Variants in CEPT1 observed in about 807,000 individuals in gnomAD.
The protein encoded by CEPT1 is choline/ethanolaminephosphotransferase 1.
In CEPT1, 7 loss-of-function variants were observed where a neutral mutation model predicts 42.6. The ratio of observed to expected loss-of-function variants is 0.16; its 90% CI spans 0.09 to 0.31. The LOEUF (loss-of-function observed/expected upper bound fraction) is 0.31, where lower values mean the gene tolerates loss of function less well. Among genes scored for constraint, CEPT1 ranks in the 10% least tolerant of loss-of-function variants. The pLI, the probability that CEPT1 is intolerant of heterozygous loss-of-function variation, is 1.00. For synonymous variants in CEPT1, 171 were observed against 171.9 expected (o/e 0.99, Z 0.04); for missense variants, 306 against 502.1 (o/e 0.61, Z 3.73).
intron 1 of CEPT1, among the ~76,000 whole-genome samples, chr1:111,141,763 C>T (rs999059666): frequency 4.6e-5 from 7 of 152,278 alleles, no homozygotes; most frequent in Admixed American, 1.3e-4. Flanking sequence ...CTATGTATCA[C>T]TTGTTAAATA....
intron 6 of CEPT1, 74 bp downstream of exon 6, chr1:111,182,392 C>A: frequency 7.0e-7 from 1 of 1,420,720 alleles, no homozygotes; most frequent in South Asian, 1.3e-5. Context: ...TTTTTTATTT[C>A]AAATGTATAA....
chr1:111,172,014 A>G (rs1656442250), intron 4 of CEPT1, among the ~76,000 whole-genome samples: 1 of 152,256 alleles, frequency 6.6e-6, no homozygotes, highest in African/African-American at 2.4e-5. Flanking sequence ...CTGGGATTAC[A>G]GGCGTGAGCC....
intron 4 of CEPT1, among the ~76,000 whole-genome samples, chr1:111,172,544 G>C (rs1656472972): frequency 6.6e-6 from 1 of 152,154 alleles, no homozygotes; most frequent in Admixed American, 6.5e-5. Flanking sequence ...AGACTTCTTA[G>C]TGGAAAGGTG....
At chr1:111,168,993 A>G (rs1656281613) in intron 4 of CEPT1, among the ~76,000 whole-genome samples, 1 of 152,196 alleles carries the variant, frequency 6.6e-6, no homozygotes, top group Admixed American at 6.5e-5. Flanking sequence ...ACCTATACAC[A>G]GCCTCCTGTA....
At chr1:111,184,006 T>G (rs1657125445) in intron 8 of CEPT1, among the ~76,000 whole-genome samples, 185 bp from the exon 9 acceptor site, 1 of 152,190 alleles carries the variant, frequency 6.6e-6, no homozygotes, top group Non-Finnish European at 1.5e-5. Context: ...CCCATAAAGC[T>G]TAAAATATTT....
chr1:111,160,252 G>GA (rs1193130413), intron 3 of CEPT1: 1 of 152,036 alleles, frequency 6.6e-6, no homozygotes. Flanking sequence ...TTTTAGAGAG[G>GA]AAAAAGACAC....
At chr1:111,171,177 G>A (rs1054482250) in intron 4 of CEPT1, among the ~76,000 whole-genome samples, 6 of 152,100 alleles carry the variant, frequency 3.9e-5, no homozygotes, top group South Asian at 2.1e-4. Context: ...TTTGTCAGGC[G>A]TCTCTCTGAA....
At chr1:111,140,021 C>T (rs1037222988), upstream of CEPT1, 1 of 152,436 alleles carries the variant, frequency 6.6e-6, no homozygotes, top group Non-Finnish European at 1.5e-5. Flanking sequence ...TGTCCCTTCT[C>T]CCCTACTTCG....
intron 2 of CEPT1, among the ~76,000 whole-genome samples, chr1:111,149,954 T>G (rs1655180556): frequency 1.3e-5 from 2 of 152,244 alleles, no homozygotes; most frequent in Admixed American, 6.5e-5. Flanking sequence ...TGATTTGGAA[T>G]GTATGAATAA....
chr1:111,148,093 C>T (rs369184907), intron 2 of CEPT1, 40 bp downstream of exon 2: 1 of 1,486,420 alleles, frequency 6.7e-7, no homozygotes, highest in African/African-American at 1.4e-5. Context: ...TGCTATATAC[C>T]AAAAACGTTG....
intron 1 of CEPT1, among the ~76,000 whole-genome samples, chr1:111,141,760 T>G (rs1654609682): frequency 6.6e-6 from 1 of 152,238 alleles, no homozygotes; most frequent in African/African-American, 2.4e-5. Context: ...GCTCTATGTA[T>G]CACTTGTTAA....
At chr1:111,161,361 T>C in intron 4 of CEPT1, 65 bp downstream of exon 4, 1 of 1,421,358 alleles carries the variant, frequency 7.0e-7, no homozygotes, top group African/African-American at 1.4e-5. Context: ...GCCTTATAAG[T>C]ATTTGAGTAT....
intron 2 of CEPT1, among the ~76,000 whole-genome samples, chr1:111,149,117 AGTGAATGGCTATTGAGG>A (rs549548237): frequency 6.3e-4 from 96 of 152,284 alleles, no homozygotes; most frequent in African/African-American, 1.9e-3. Context: ...AAGCCATTAA[AGTGAATGGCTATTGAGG>A]GTCACCTTTA....
intron 4 of CEPT1, among the ~76,000 whole-genome samples, chr1:111,163,420 A>G (rs1339253056): frequency 2.0e-5 from 3 of 152,306 alleles, no homozygotes; most frequent in African/African-American, 4.8e-5. Context: ...ACTTGAGCCC[A>G]GGATTTCAAG....
At chr1:111,155,216 C>T (rs77787170) in intron 2 of CEPT1, among the ~76,000 whole-genome samples, 254 of 152,128 alleles carry the variant, frequency 1.7e-3, no homozygotes, top group Non-Finnish European at 2.8e-3. Context: ...ATAGGTTATA[C>T]GTGTCTAAAA....
At chr1:111,159,661 G>T in intron 3 of CEPT1, 134 bp downstream of exon 3, 1 of 617,704 alleles carries the variant, frequency 1.6e-6, no homozygotes. Flanking sequence ...AAAAGACTAT[G>T]AACCTAGTTA....
At chr1:111,171,240 G>A (rs1656398601) in intron 4 of CEPT1, among the ~76,000 whole-genome samples, 1 of 152,142 alleles carries the variant, frequency 6.6e-6, no homozygotes. Flanking sequence ...CTCATAGTTA[G>A]CTAACTTACT....
At chr1:111,153,101 T>TA (rs1655370792) in intron 2 of CEPT1, among the ~76,000 whole-genome samples, 1 of 152,156 alleles carries the variant, frequency 6.6e-6, no homozygotes, top group Admixed American at 6.6e-5. Flanking sequence ...TTGCTTCTGT[T>TA]AAACAACCTG....
In CEPT1 at chr1:111,144,951, G is replaced by A. The variant is rs372649341; in HGVS notation, c.-73-2691G>A. Among the ~76,000 whole-genome samples, 5 of 152,130 alleles carry A rather than the reference G, an allele frequency of 3.3e-5. No homozygotes were observed. The East Asian group carries it at 7.7e-4, about 23-fold the overall frequency. On this transcript the variant is annotated intron_variant, in intron 1 of 8. Coordinates refer to ENST00000357172, the MANE Select transcript of CEPT1 (RefSeq NM_006090.5). ...TTTTAATCAGTACCTTTGTGATACA[G>A]TTGTGTGAAAGAATTCCTCAAAATG...
Sources: allele counts gnomAD v4.1 joint callset (sites outside exome capture counted in the v4.1 genomes callset), GRCh38; gene constraint gnomAD v4.1.1; transcripts MANE v1.5; gene names NCBI Gene and HGNC (gene_info 2026-07-23, HGNC 2026-07-21).